The following CSMD1 variants were observed in gnomAD, a reference collection of about 807,000 sequenced individuals.
CSMD1 encodes the protein CUB and Sushi multiple domains 1, also known as CUB and sushi domain-containing protein 1.
Under a neutral mutation model 417.5 loss-of-function variants are expected in CSMD1, and 213 were observed. The ratio of observed to expected loss-of-function variants is 0.51; its 90% CI spans 0.46 to 0.57. The LOEUF (loss-of-function observed/expected upper bound fraction) is 0.57, where lower values mean the gene tolerates loss of function less well. Ranked by LOEUF, CSMD1 falls within the 20% of genes least tolerant of loss-of-function variation. The pLI is 0.00. For missense variants in CSMD1, 6,923 were observed against 4,529.7 expected, an observed-to-expected ratio of 1.53 and a Z score of -15.17; for synonymous variants, 2,862 against 1,736.8, an observed-to-expected ratio of 1.65 and a Z score of -16.11.
At chr8:3,308,942 C>A (rs1001914034) in intron 23 of CSMD1, among the ~76,000 whole-genome samples, 7 of 152,048 alleles carry the variant, frequency 4.6e-5, no homozygotes, top group East Asian at 1.9e-4. Flanking sequence ...CCAGGCTGGT[C>A]TCGAATACCT....
intron 2 of CSMD1, among the ~76,000 whole-genome samples, chr8:4,429,583 T>G (rs190660635): frequency 3.3e-5 from 5 of 152,230 alleles, no homozygotes; most frequent in Admixed American, 3.3e-4. Context: ...CATACTGATT[T>G]AGGAGGCAAA....
At chr8:4,666,052 G>C (rs1030685493) in intron 1 of CSMD1, among the ~76,000 whole-genome samples, 6 of 152,132 alleles carry the variant, frequency 3.9e-5, no homozygotes, top group African/African-American at 1.4e-4. Flanking sequence ...TTAAGCCATA[G>C]TAACTGGCAC....
At chr8:3,871,003 A>G (rs1263537927) in intron 5 of CSMD1, among the ~76,000 whole-genome samples, 1 of 151,998 alleles carries the variant, frequency 6.6e-6, no homozygotes, top group Non-Finnish European at 1.5e-5. Flanking sequence ...TCAATGTGTT[A>G]TAATTTTTTT....
intron 1 of CSMD1, among the ~76,000 whole-genome samples, chr8:4,987,741 C>T (rs954771955): frequency 6.6e-6 from 1 of 152,128 alleles, no homozygotes; most frequent in African/African-American, 2.4e-5. Context: ...GCAGACCCTC[C>T]CTCAATGTGG....
intron 3 of CSMD1, among the ~76,000 whole-genome samples, chr8:4,285,308 G>T (rs767030442): frequency 5.3e-5 from 8 of 152,130 alleles, no homozygotes; most frequent in African/African-American, 1.9e-4. Context: ...ACTCTCTGAA[G>T]CCATGTGCAG....
chr8:4,495,367 G>T (rs545327282), intron 2 of CSMD1, among the ~76,000 whole-genome samples: 2 of 152,044 alleles, frequency 1.3e-5, no homozygotes, highest in Non-Finnish European at 2.9e-5. Context: ...CGAAGTCAAG[G>T]GTTCGAGACT....
At chr8:4,185,090 G>T (rs887390559) in intron 3 of CSMD1, among the ~76,000 whole-genome samples, 3 of 127,692 alleles carry the variant, frequency 2.3e-5, no homozygotes, top group Non-Finnish European at 4.6e-5. Flanking sequence ...AGTGAGCCAA[G>T]ATCGCACCAC....
intron 34 of CSMD1, among the ~76,000 whole-genome samples, chr8:3,189,618 T>G (rs777509145): frequency 2.6e-5 from 4 of 152,114 alleles, no homozygotes; most frequent in African/African-American, 4.8e-5. Context: ...ATGATAATGG[T>G]TTTTTCCCAA....
intron 7 of CSMD1, among the ~76,000 whole-genome samples, chr8:3,649,204 T>C (rs1797724161): frequency 6.6e-6 from 1 of 152,208 alleles, no homozygotes; most frequent in Non-Finnish European, 1.5e-5. Flanking sequence ...ACTGATACCA[T>C]AAGTCTTCCG....
intron 2 of CSMD1, among the ~76,000 whole-genome samples, chr8:4,605,314 G>C (rs1416842982): frequency 6.6e-6 from 1 of 152,068 alleles, no homozygotes; most frequent in Non-Finnish European, 1.5e-5. Context: ...TCACAGGGTG[G>C]GTTCTCTTGA....
chr8:4,764,050 C>A (rs1336525595), intron 1 of CSMD1, among the ~76,000 whole-genome samples: 3 of 152,188 alleles, frequency 2.0e-5, no homozygotes, highest in African/African-American at 7.2e-5. Context: ...ATGAATTACG[C>A]TGGCAACAGA....
At chr8:3,120,673 C>A (rs371322479) in intron 41 of CSMD1, among the ~76,000 whole-genome samples, 1 of 149,900 alleles carries the variant, frequency 6.7e-6, no homozygotes, top group Non-Finnish European at 1.5e-5. Context: ...ATGGTGAAAC[C>A]CTGTCTCTAC....
intron 3 of CSMD1, among the ~76,000 whole-genome samples, chr8:4,292,077 C>T (rs1032777930): frequency 6.6e-6 from 1 of 152,002 alleles, no homozygotes; most frequent in African/African-American, 2.4e-5. Flanking sequence ...AATGAAAACA[C>T]CAAGGAGATA....
At chr8:3,950,864 A>G (rs1225438242) in intron 5 of CSMD1, among the ~76,000 whole-genome samples, 1 of 152,018 alleles carries the variant, frequency 6.6e-6, no homozygotes, top group African/African-American at 2.4e-5. Context: ...AAAAGATTAA[A>G]TTTCATTTTA....
At chr8:3,118,320 G>A (rs138057556) in intron 42 of CSMD1, 79 bp downstream of exon 42, 1 of 969,778 alleles carries the variant, frequency 1.0e-6, no homozygotes, top group Admixed American at 2.5e-5. Context: ...ATAAATTACT[G>A]GATATGTTCA....
intron 2 of CSMD1, among the ~76,000 whole-genome samples, chr8:4,603,024 T>A (rs1800679269): frequency 6.6e-6 from 1 of 151,984 alleles, no homozygotes; most frequent in Non-Finnish European, 1.5e-5. Flanking sequence ...AAATATTGAT[T>A]CTCCAACTGA....
In CSMD1 at chr8:4,108,673, T is replaced by C. The variant is rs575955430; in HGVS notation, c.416-76574A>G. On this transcript the variant is annotated intron_variant, in intron 3 of 69. Transcript: ENST00000635120. ...ACCTGACACTTTCGACAAATTATTT[T>C]CCCCCTTTTAGAACAGTTAAGCAGA... Among the ~76,000 whole-genome samples the C allele has an allele frequency of 6.6e-5, 10 of 152,264 alleles. No individual in the cohort carries two copies. The East Asian group carries it at 1.2e-3, about 18-fold the overall frequency.
At chr8:3,880,637 G>T (rs773742810) in intron 5 of CSMD1, among the ~76,000 whole-genome samples, 10 of 152,102 alleles carry the variant, frequency 6.6e-5, no homozygotes, top group Non-Finnish European at 1.5e-4. Flanking sequence ...GGACATACAT[G>T]TTTCTTAACC....
chr8:3,179,174 T>A (rs185246695), intron 37 of CSMD1, among the ~76,000 whole-genome samples: 1 of 150,932 alleles, frequency 6.6e-6, no homozygotes, highest in African/African-American at 2.5e-5. Context: ...CTCGATCTCC[T>A]GACCTCGTGA....
Sources: allele counts gnomAD v4.1 joint callset (sites outside exome capture counted in the v4.1 genomes callset), GRCh38; gene constraint gnomAD v4.1.1; transcripts MANE v1.5; gene names NCBI Gene and HGNC (gene_info 2026-07-23, HGNC 2026-07-21).